EVC: variants seen among roughly 807,000 people sequenced by gnomAD.
EVC encodes the protein EvC ciliary complex subunit 1.
A neutral mutation model predicts 118.9 loss-of-function variants in EVC; 116 were observed. That is an observed-to-expected ratio of 0.98 (90% CI 0.84 to 1.14). The LOEUF (loss-of-function observed/expected upper bound fraction) is 1.14, where lower values mean the gene tolerates loss of function less well. Ranked by LOEUF, EVC falls within the 50% of genes most tolerant of loss-of-function variation. The pLI, the probability that EVC is intolerant of heterozygous loss-of-function variation, is 0.00. For missense variants in EVC, 1,401 were observed against 1,246.4 expected, an observed-to-expected ratio of 1.12 and a Z score of -1.87; for synonymous variants, 619 against 534.7, an observed-to-expected ratio of 1.16 and a Z score of -2.18.
chr4:5,793,527 A>C, intron 12 of EVC, 81 bp from the exon 13 acceptor site: 1 of 1,230,286 alleles, frequency 8.1e-7, no homozygotes. Flanking sequence ...ACAAACAAGA[A>C]ACAAAATGCA....
At chr4:5,800,915 G>A (rs966474344) in intron 15 of EVC, among the ~76,000 whole-genome samples, 5 of 152,190 alleles carry the variant, frequency 3.3e-5, no homozygotes, top group African/African-American at 1.2e-4. Context: ...GAGTAAGTGG[G>A]TATTTTTTCT....
Position 5,783,648 on chromosome 4 carries a change from T to A in EVC, c.1660T>A (p.Cys554Ser). The change falls in exon 12 of 21, where the codon TGT becomes AGT. Residue 554 changes from cysteine (C) to serine (S), a missense_variant. By Grantham distance (112) the Cys-to-Ser change is moderately radical. Coordinates refer to ENST00000264956, the MANE Select transcript of EVC (RefSeq NM_153717.3). Reference sequence around the variant, plus strand: ...CATGACTGGCCTCCCCCCGGAAGAGTGTGACTACTTGAGGCAGGAAGTCCA... The same window carrying A: ...CATGACTGGCCTCCCCCCGGAAGAGAGTGACTACTTGAGGCAGGAAGTCCA... ...PGMTGLPPEECDYLRQEVQEN... is the reference protein window; with the variant it reads ...PGMTGLPPEESDYLRQEVQEN... The A allele has an allele frequency of 1.2e-6, 2 of 1,613,838 alleles. No individual in the cohort carries two copies. Among genetic ancestry groups the A allele is most frequent in the Non-Finnish European group, 1.7e-6 (2 of 1,179,976 alleles).
At position 5,719,678 on chromosome 4, in the gene EVC, G is replaced by A. The variant is rs574324393; in HGVS notation, c.300+305G>A. On this transcript the variant is annotated intron_variant, in intron 2 of 20. Coordinates refer to ENST00000264956, the MANE Select transcript of EVC (RefSeq NM_153717.3). This position sits in a 1 kb window ranked among gnomAD's most constrained non-coding sequence, Gnocchi z 4.7. ...CACACACTTCCAGAGGTGCCCATGC[G>A]TGGGATTTCCATTGATTGGTTCTGC... Among the ~76,000 whole-genome samples, 17 of 152,280 alleles carry A rather than the reference G, an allele frequency of 1.1e-4. No individual in the cohort carries two copies. The highest frequency in any genetic ancestry group is 2.1e-4 in the South Asian group (1 of 4,824).
intron 8 of EVC, 47 bp from the exon 9 acceptor site, chr4:5,752,789 G>A (rs1427123552): frequency 6.3e-7 from 1 of 1,585,900 alleles, no homozygotes; most frequent in Admixed American, 1.7e-5. Context: ...ATGCCCTGGT[G>A]GTTCCCAGGA....
intron 1 of EVC, among the ~76,000 whole-genome samples, chr4:5,716,926 C>A (rs542755853): frequency 8.6e-4 from 131 of 152,252 alleles, no homozygotes; most frequent in South Asian, 1.7e-3. Context: ...TCTTAAAGAA[C>A]CTTTACCTTT....
At chr4:5,740,247 G>A (rs1728311466) in intron 5 of EVC, among the ~76,000 whole-genome samples, 1 of 152,000 alleles carries the variant, frequency 6.6e-6, no homozygotes, top group Non-Finnish European at 1.5e-5. Flanking sequence ...GAGGTGGGTG[G>A]ATCACTTGAG....
In EVC at chr4:5,789,811, T is replaced by A. The variant is rs772857560; in HGVS notation, c.1777-3797T>A. 6.6e-6 allele frequency among the ~76,000 whole-genome samples: 1 copy of A among 152,200 alleles called. No individual in the cohort carries two copies. Among genetic ancestry groups the A allele is most frequent in the African/African-American group, 2.4e-5 (1 of 41,458 alleles). ...ATCGATCATCATCGAATCCTGTTGC[T>A]AGTTTAAGCTGCATTCTCAAAACAC... On this transcript the variant is annotated intron_variant, in intron 12 of 20. Transcript: ENST00000264956. This position sits in a 1 kb window ranked among gnomAD's most constrained non-coding sequence, Gnocchi z 4.3.
intron 4 of EVC, among the ~76,000 whole-genome samples, chr4:5,733,094 A>G (rs754105554): frequency 1.2e-4 from 18 of 152,096 alleles, no homozygotes; most frequent in Non-Finnish European, 2.1e-4. Flanking sequence ...CCCTCTCTCC[A>G]TTGGTTTTCT....
rs114993332 is a variant in EVC at position 5,811,528 on chromosome 4, C to T, written c.*491C>T. 2.1e-3 allele frequency: 418 copies of T among 200,800 alleles called. 1 individual carries two copies. Among genetic ancestry groups the T allele is most frequent in the African/African-American group, 9.1e-3 (386 of 42,486 alleles). 12.4% of individuals were successfully genotyped at this position (200,800 alleles called of 1,614,324 possible). The stretch of plus-strand genomic sequence containing the variant: ...ACTTCACCTGGGGAGGGGCTTCTTC[C>T]GGACAGTAGACACCCTGCCCGTGCA... On this transcript the variant is annotated 3_prime_UTR_variant, in exon 21 of 21. Transcript: ENST00000264956.
At chr4:5,728,716 T>C (rs1010205252) in intron 2 of EVC, among the ~76,000 whole-genome samples, 5 of 152,182 alleles carry the variant, frequency 3.3e-5, no homozygotes, top group African/African-American at 1.2e-4. Flanking sequence ...TGTTTAAGGG[T>C]CTAATCCCAA....
At chr4:5,787,112 G>A (rs181543570) in intron 12 of EVC, among the ~76,000 whole-genome samples, 3 of 152,326 alleles carry the variant, frequency 2.0e-5, no homozygotes, top group Admixed American at 2.0e-4. Context: ...GCTCAGGGAA[G>A]TTATTAAAAA....
intron 5 of EVC, 87 bp from the exon 6 acceptor site, chr4:5,741,629 G>A (rs763400719): frequency 7.5e-5 from 56 of 742,266 alleles, no homozygotes; most frequent in Non-Finnish European, 1.3e-4. Context: ...CAGTGGGGGA[G>A]GGAGGGAGAA....
At position 5,711,377 on chromosome 4, in the gene EVC, C is replaced by T. The variant is rs915571822; in HGVS notation, c.-4C>T. The T allele has an allele frequency of 3.4e-5, 34 of 1,010,520 alleles. No individual in the cohort carries two copies. The highest frequency in any genetic ancestry group is 4.0e-5 in the Non-Finnish European group (34 of 848,660). The allele number at this position is 1,010,520 out of a possible 1,614,324, so 62.6% of individuals were successfully genotyped here. On this transcript the variant is annotated 5_prime_UTR_variant, in exon 1 of 21. Coordinates refer to ENST00000264956, the MANE Select transcript of EVC (RefSeq NM_153717.3). ...GCGGCGGGGCGGCAGCCTGAGCGCC[C>T]CGGATGGCCCGCGGCGGGGCGGCCT...
intron 5 of EVC, among the ~76,000 whole-genome samples, chr4:5,735,560 G>T (rs1198622473): frequency 2.0e-5 from 3 of 152,212 alleles, no homozygotes; most frequent in Non-Finnish European, 2.9e-5. Context: ...TGTGTGGCTG[G>T]CATGGTCACA....
chr4:5,711,651 G>C, intron 1 of EVC, 97 bp downstream of exon 1: 1 of 968,268 alleles, frequency 1.0e-6, no homozygotes, highest in Non-Finnish European at 1.2e-6. Context: ...GACTCCTTGA[G>C]CCTGGTTGGG....
Position 5,719,754 on chromosome 4 carries a change from C to A in EVC, c.300+381C>A, listed in dbSNP as rs1316536891. 6.6e-6 allele frequency among the ~76,000 whole-genome samples: 1 copy of A among 152,094 alleles called. No individual in the cohort carries two copies. Among genetic ancestry groups the A allele is most frequent in the Non-Finnish European group, 1.5e-5 (1 of 68,026 alleles). ...ATTGTGCTGTTCTGTGCCTGTGTTC[C>A]CTCCACAGAATGCCTTAAGATGTTT... On this transcript the variant is annotated intron_variant, in intron 2 of 20. Coordinates refer to ENST00000264956, the MANE Select transcript of EVC (RefSeq NM_153717.3). The surrounding 1 kb of genome is among the most constrained non-coding windows in gnomAD (Gnocchi z 4.7).
At chr4:5,826,841 T>A in the EVC span, 1 of 152,296 alleles carries the variant, frequency 6.6e-6, no homozygotes, top group East Asian at 1.9e-4. Context: ...GGCTCCTGTC[T>A]CTCCATAGGA....
At chr4:5,791,965 T>G (rs556974526) in intron 12 of EVC, among the ~76,000 whole-genome samples, 4 of 152,308 alleles carry the variant, frequency 2.6e-5, no homozygotes, top group South Asian at 4.1e-4. Context: ...CCCAATCTGT[T>G]CAGCCTTAGG....
chr4:5,731,427 T>C lies in EVC; in HGVS notation c.387T>C (p.Pro129=), dbSNP rs1407464288. The change falls in exon 4 of 21, where the codon CCT becomes CCC. Residue 129 remains proline, a splice_region_variant and synonymous_variant. Transcript: ENST00000264956. The surrounding 1 kb of genome is among the most constrained non-coding windows in gnomAD (Gnocchi z 5.6). ...VIYPINQKFR[P]LADGSSNPSL... Reference sequence around the variant, plus strand: ...TGTGACTCCTACTGCCACCCCAGCCTCTGGCCGATGGCTCCTCCAACCCGT... The same window carrying C: ...TGTGACTCCTACTGCCACCCCAGCCCCTGGCCGATGGCTCCTCCAACCCGT... 1 of 1,613,026 alleles carries C rather than the reference T, an allele frequency of 6.2e-7. No individual in the cohort carries two copies. The highest frequency in any genetic ancestry group is 8.5e-7 in the Non-Finnish European group (1 of 1,179,680).
Sources: allele counts gnomAD v4.1 joint callset (sites outside exome capture counted in the v4.1 genomes callset), GRCh38; gene constraint gnomAD v4.1.1; non-coding constraint Gnocchi (gnomAD v3.1); transcripts MANE v1.5; gene names NCBI Gene and HGNC (gene_info 2026-07-23, HGNC 2026-07-21).